The following GABRB2 variants were observed in gnomAD, a reference collection of about 807,000 sequenced individuals.
GABRB2 encodes the protein gamma-aminobutyric acid receptor subunit beta-2.
Under a neutral mutation model 54.7 loss-of-function variants are expected in GABRB2, and 16 were observed. That is an observed-to-expected ratio of 0.29 (90% CI 0.20 to 0.44). The LOEUF (loss-of-function observed/expected upper bound fraction) is 0.44, where lower values mean the gene tolerates loss of function less well. Among genes scored for constraint, GABRB2 ranks in the 20% least tolerant of loss-of-function variants. GABRB2 has a pLI of 1.00. For missense variants in GABRB2, 355 were observed against 644.0 expected, an observed-to-expected ratio of 0.55 and a Z score of 4.86; for synonymous variants, 244 against 233.8, an observed-to-expected ratio of 1.04 and a Z score of -0.40.
At chr5:161,451,568 G>A (rs1210888095) in intron 4 of GABRB2, among the ~76,000 whole-genome samples, 2 of 152,094 alleles carry the variant, frequency 1.3e-5, no homozygotes, top group Admixed American at 6.6e-5. Flanking sequence ...AAAATAAGAA[G>A]TAAATTTTAA....
chr5:161,316,517 T>C (rs1426029323), intron 9 of GABRB2, among the ~76,000 whole-genome samples: 1 of 152,210 alleles, frequency 6.6e-6, no homozygotes, highest in East Asian at 1.9e-4. Flanking sequence ...TGTTTATTTT[T>C]ACTTTCCTTC....
chr5:161,466,914 A>T (rs1483095482), intron 3 of GABRB2, among the ~76,000 whole-genome samples: 1 of 152,076 alleles, frequency 6.6e-6, no homozygotes, highest in Non-Finnish European at 1.5e-5. Context: ...ATAGTCAATA[A>T]AATTATGTAT....
At position 161,291,396 on chromosome 5, in the gene GABRB2, C is replaced by A. The variant is rs148104782; in HGVS notation, c.*2685G>T. On this transcript the variant is annotated 3_prime_UTR_variant, in exon 10 of 10. Transcript: ENST00000393959. ...CTTCCTAGACTTATCAGGTCTAGCA[C>A]CCCTCCTCGCATTTGATGACTGCAT... The A allele has an allele frequency of 1.3e-5, 2 of 152,260 alleles. No individual in the cohort carries two copies. The highest frequency in any genetic ancestry group is 2.9e-5 in the Non-Finnish European group (2 of 68,008). 9.4% of individuals were successfully genotyped at this position (152,260 alleles called of 1,614,324 possible).
At chr5:161,470,412 T>C (rs934027121) in intron 3 of GABRB2, among the ~76,000 whole-genome samples, 1 of 151,960 alleles carries the variant, frequency 6.6e-6, no homozygotes, top group African/African-American at 2.4e-5. Context: ...TAAGTTTAAA[T>C]TATAAGTCTG....
At chr5:161,325,815 CAAT>C (rs1758344735) in intron 9 of GABRB2, among the ~76,000 whole-genome samples, 1 of 152,056 alleles carries the variant, frequency 6.6e-6, no homozygotes, top group South Asian at 2.1e-4. Context: ...TGGTAAACAA[CAAT>C]GTCAATTATT....
chr5:161,405,601 C>A (rs1277848950), intron 5 of GABRB2, among the ~76,000 whole-genome samples: 1 of 152,086 alleles, frequency 6.6e-6, no homozygotes, highest in African/African-American at 2.4e-5. Context: ...CACCTGCTCA[C>A]TACTTCCTCT....
Position 161,330,925 on chromosome 5 carries a change from A to G in GABRB2, c.1035T>C (p.Ala345=), listed in dbSNP as rs1407589670. The change falls in exon 8 of 10, where the codon GCT becomes GCC. Residue 345 remains alanine (A), a synonymous_variant. Transcript: ENST00000393959. ...PQRQKKAAEK[A]ASANNEKMRL... is the part of the protein sequence containing the mutation. ...GCATCTTCTCATTGTTGGCACTGGC[A>G]GCCTTCTCAGCTGCTTTCTTTTGGC... 1.2e-6 allele frequency: 2 copies of G among 1,614,106 alleles called. No individual in the cohort carries two copies. The highest frequency in any genetic ancestry group is 1.7e-6 in the Non-Finnish European group (2 of 1,180,058).
At chr5:161,413,467 G>A (rs759725933) in intron 4 of GABRB2, among the ~76,000 whole-genome samples, 51 of 151,870 alleles carry the variant, frequency 3.4e-4, no homozygotes, top group South Asian at 1.0e-3. Flanking sequence ...AGTTACATTC[G>A]CATTTTATTG....
At chr5:161,510,253 C>G (rs932096895) in intron 3 of GABRB2, among the ~76,000 whole-genome samples, 6 of 151,742 alleles carry the variant, frequency 4.0e-5, no homozygotes, top group Non-Finnish European at 8.8e-5. Flanking sequence ...CAGCTCCCCC[C>G]CAACCTCCCC....
At chr5:161,323,077 T>G (rs1308403605) in intron 9 of GABRB2, among the ~76,000 whole-genome samples, 2 of 150,824 alleles carry the variant, frequency 1.3e-5, no homozygotes, top group Non-Finnish European at 3.0e-5. Context: ...CAGGCTGGAG[T>G]GCAGTGGTGC....
intron 4 of GABRB2, among the ~76,000 whole-genome samples, chr5:161,419,102 G>A (rs1271472525): frequency 6.6e-6 from 1 of 152,108 alleles, no homozygotes; most frequent in African/African-American, 2.4e-5. Context: ...ACTCCAGCCT[G>A]GGTGACAGAG....
chr5:161,490,168 C>G (rs918811186), intron 3 of GABRB2, among the ~76,000 whole-genome samples: 1 of 151,676 alleles, frequency 6.6e-6, no homozygotes, highest in Admixed American at 6.6e-5. Flanking sequence ...GGCTAGGAGC[C>G]TTAACAATTT....
intron 4 of GABRB2, among the ~76,000 whole-genome samples, chr5:161,437,492 T>C (rs967387659): frequency 7.9e-5 from 12 of 152,090 alleles, no homozygotes; most frequent in Admixed American, 5.2e-4. Flanking sequence ...CTAACCAGCA[T>C]TGATACCCAG....
Position 161,546,707 on chromosome 5 carries a change from A to G in GABRB2, c.-64T>C. 2.6e-6 allele frequency: 4 copies of G among 1,551,850 alleles called. No homozygotes were observed. In the South Asian group the frequency reaches 3.6e-5, roughly 14 times the overall value. ...AGAGGAGATCCAACTTAGTCTGCCC[A>G]GTGCAGTAATTCTAATGTGAGGCGC... On this transcript the variant is annotated 5_prime_UTR_variant, in exon 1 of 10. Transcript: ENST00000393959.
At position 161,543,286 on chromosome 5, in the gene GABRB2, A is replaced by G. The variant is rs139367779; in HGVS notation, c.237+1941T>C. Among the ~76,000 whole-genome samples the G allele has an allele frequency of 4.6e-5, 7 of 152,348 alleles. No individual in the cohort carries two copies. In the East Asian group the frequency reaches 1.2e-3, roughly 25 times the overall value. ...GGTCTTGGCATTGTTTCCACCTCAG[A>G]TATCTCTCCAAAATGTTGCATGTAG... On this transcript the variant is annotated intron_variant, in intron 3 of 9. Transcript: ENST00000393959.
In GABRB2 at chr5:161,460,841, G is replaced by A. The variant is rs539744725; in HGVS notation, c.238-997C>T. Among the ~76,000 whole-genome samples the A allele has an allele frequency of 4.6e-5, 7 of 152,212 alleles. No homozygotes were observed. In the East Asian group the frequency reaches 5.8e-4, roughly 13 times the overall value. ...TTATGAGGCACATAAATCAAGGTGC[G>A]AAATATCTAACTGGAATGGTGACAA... On this transcript the variant is annotated intron_variant, in intron 3 of 9. Transcript: ENST00000393959.
At chr5:161,546,864 T>C, upstream of GABRB2, 5 of 945,936 alleles carry the variant, frequency 5.3e-6, no homozygotes, top group South Asian at 4.8e-5. Flanking sequence ...AATACATACA[T>C]ATTTGAATAA....
chr5:161,294,862 T>A (rs907740826), intron 9 of GABRB2, among the ~76,000 whole-genome samples: 3 of 152,196 alleles, frequency 2.0e-5, no homozygotes, highest in Admixed American at 1.3e-4. Context: ...TAATTATAGA[T>A]GAATTAATAA....
chr5:161,490,420 C>T (rs1759063785), intron 3 of GABRB2, among the ~76,000 whole-genome samples: 1 of 151,632 alleles, frequency 6.6e-6, no homozygotes, highest in African/African-American at 2.4e-5. Context: ...CCAATGTGAA[C>T]TCAAGTCACA....
Sources: gnomAD v4.1 joint callset for allele counts (sites outside exome capture counted in the v4.1 genomes callset) on GRCh38, gnomAD v4.1.1 for gene constraint, MANE v1.5 for transcripts, NCBI Gene and HGNC (gene_info 2026-07-23, HGNC 2026-07-21) for gene names.